PCDHAC1: variants seen among roughly 807,000 people sequenced by gnomAD.
PCDHAC1 encodes the protein protocadherin alpha-C1.
A neutral mutation model predicts 60.0 loss-of-function variants in PCDHAC1; 42 were observed. The ratio of observed to expected loss-of-function variants is 0.70; its 90% confidence interval spans 0.55 to 0.90. PCDHAC1 has a LOEUF of 0.90. Ranked by LOEUF, PCDHAC1 falls within the 40% of genes least tolerant of loss-of-function variation. The pLI is 0.00. For synonymous variants in PCDHAC1, 468 were observed against 499.3 expected (o/e 0.94, Z 0.84); for missense variants, 1,160 against 1,222.3 (o/e 0.95, Z 0.76).
At chr5:140,941,901 GA>G (rs782298792) in intron 1 of PCDHAC1, among the ~76,000 whole-genome samples, 1 of 152,130 alleles carries the variant, frequency 6.6e-6, no homozygotes, top group African/African-American at 2.4e-5. Context: ...AAGTAACATT[GA>G]AATGCTTTTA....
intron 3 of PCDHAC1, among the ~76,000 whole-genome samples, chr5:141,009,094 C>A (rs1350235475): frequency 6.6e-6 from 1 of 152,176 alleles, no homozygotes; most frequent in Non-Finnish European, 1.5e-5. Context: ...AAGAACCAAA[C>A]ATATGTTACT....
rs188500854 is a variant in PCDHAC1 at position 140,955,348 on chromosome 5, G to C, written c.2434-23601G>C. ...GTAGTTCCCATAATCCCCACATGTT[G>C]TGAGAGGGACCCAGTGGGAGGTAAT... On this transcript the variant is annotated intron_variant, in intron 1 of 3. Coordinates refer to ENST00000253807, the MANE Select transcript of PCDHAC1 (RefSeq NM_018898.5). Among the ~76,000 whole-genome samples the C allele has an allele frequency of 1.6e-4, 24 of 152,204 alleles. No individual in the cohort carries two copies. The East Asian group carries it at 2.7e-3, about 17-fold the overall frequency.
At chr5:140,937,705 G>T (rs892429555) in intron 1 of PCDHAC1, among the ~76,000 whole-genome samples, 2 of 151,928 alleles carry the variant, frequency 1.3e-5, no homozygotes, top group Admixed American at 6.6e-5. Context: ...GAGGTCAGGA[G>T]ATCAAGACCA....
At chr5:140,969,556 C>A in intron 1 of PCDHAC1, 1 of 1,210,690 alleles carries the variant, frequency 8.3e-7, no homozygotes, top group Non-Finnish European at 1.1e-6. Flanking sequence ...AAGCCTTGTC[C>A]ATAAAATTGT....
chr5:140,949,120 T>C (rs782586418), intron 1 of PCDHAC1, among the ~76,000 whole-genome samples: 3 of 151,756 alleles, frequency 2.0e-5, no homozygotes, highest in Non-Finnish European at 4.4e-5. Flanking sequence ...ATATTTTTGG[T>C]TTTCCTAGCT....
chr5:140,960,792 C>T (rs2095571018), intron 1 of PCDHAC1, among the ~76,000 whole-genome samples: 1 of 151,986 alleles, frequency 6.6e-6, no homozygotes, highest in South Asian at 2.1e-4. Context: ...AACAAGGTTT[C>T]TATTAAAATA....
chr5:141,010,063 G>C lies in PCDHAC1; in HGVS notation c.*126G>C, dbSNP rs1393265789. ...CTCTTAGAGACCTCAGAAATCTGCA[G>C]AAAGTTCCCTGTGTCTGTCTAGAAC... On this transcript the variant is annotated 3_prime_UTR_variant, in exon 4 of 4. Transcript: ENST00000253807. 31 of 1,602,790 alleles carry C rather than the reference G, an allele frequency of 1.9e-5. No individual in the cohort carries two copies. The highest frequency in any genetic ancestry group is 2.6e-5 in the Non-Finnish European group (31 of 1,174,498).
At chr5:140,967,138 G>A in intron 1 of PCDHAC1, 1 of 1,611,568 alleles carries the variant, frequency 6.2e-7, no homozygotes, top group Middle Eastern at 1.7e-4. Flanking sequence ...TGGAAGTGCT[G>A]GCGCACAACC....
chr5:140,927,614 A>G lies in PCDHAC1; in HGVS notation c.722A>G (p.Lys241Arg), dbSNP rs1554204810. ...PVFERSVYRT[K>R]VPETAPNGTV... is the part of the protein sequence containing the mutation. ...TTTGAGCGCTCCGTATACCGCACCA[A>G]GGTTCCAGAGACTGCACCCAATGGG... The change falls in exon 1 of 4, where the codon AAG becomes AGG. Residue 241 changes from lysine to arginine, a missense_variant. This residue lies in a region of PCDHAC1 where 1,113 missense variants were observed against 1,163.7 expected (regional missense o/e 0.96). Transcript: ENST00000253807. 10 of 1,614,204 alleles carry G rather than the reference A, an allele frequency of 6.2e-6. No individual in the cohort carries two copies. The highest frequency in any genetic ancestry group is 1.1e-5 in the South Asian group (1 of 91,086).
At chr5:140,958,343 T>C (rs904666839) in intron 1 of PCDHAC1, among the ~76,000 whole-genome samples, 2 of 152,144 alleles carry the variant, frequency 1.3e-5, no homozygotes, top group African/African-American at 4.8e-5. Flanking sequence ...TCACAGGAAG[T>C]TCACAGTCTG....
chr5:140,937,911 C>CAA lies in PCDHAC1; in HGVS notation c.2433+8601_2433+8602dup, dbSNP rs200797202. On this transcript the variant is annotated intron_variant, in intron 1 of 3. Transcript: ENST00000253807. Reference sequence around the variant, plus strand: ...TGGGCGACAGAGTGAGACTCCGTCTCAAAAAAAAAAAAAAAAGTTTAATTT... The same window carrying CAA: ...TGGGCGACAGAGTGAGACTCCGTCTCAAAAAAAAAAAAAAAAAAGTTTAATTT... Among the ~76,000 whole-genome samples, 8 of 117,946 alleles carry CAA rather than the reference C, an allele frequency of 6.8e-5. No individual in the cohort carries two copies. In the East Asian group the frequency reaches 1.1e-3, roughly 17 times the overall value. The allele number at this position is 117,946 out of a possible 152,430, so 77.4% of individuals were successfully genotyped here.
At chr5:140,986,460 G>A (rs1489873666) in intron 3 of PCDHAC1, among the ~76,000 whole-genome samples, 1 of 152,176 alleles carries the variant, frequency 6.6e-6, no homozygotes, top group Admixed American at 6.5e-5. Flanking sequence ...TTTAATGAAT[G>A]CCCTCTTGTG....
In PCDHAC1 at chr5:140,929,074, G is replaced by T; in HGVS notation, c.2182G>T (p.Gly728Ter). The T allele has an allele frequency of 1.2e-6, 2 of 1,614,182 alleles. No homozygotes were observed. Among genetic ancestry groups the T allele is most frequent in the South Asian group, 2.2e-5 (2 of 91,088 alleles). Reference sequence around the variant, plus strand: ...TCGCTCTACAGAGGATCTGAGGTATGGAAGTAAGATGGTTTCAAATCCTTG... The same window carrying T: ...TCGCTCTACAGAGGATCTGAGGTATTGAAGTAAGATGGTTTCAAATCCTTG... ...CCRSTEDLRY[G>*]SKMVSNPCMT... is the part of the protein sequence containing the mutation. Residue 728 changes from glycine (G) to a stop codon, truncating the protein, a stop_gained, in exon 1 of 4, where the codon GGA becomes TGA. Transcript: ENST00000253807. LOFTEE classifies it high-confidence loss of function.
At chr5:140,935,665 T>C (rs2090490152) in intron 1 of PCDHAC1, among the ~76,000 whole-genome samples, 1 of 152,182 alleles carries the variant, frequency 6.6e-6, no homozygotes, top group Non-Finnish European at 1.5e-5. Context: ...TCTTTTATAA[T>C]TATGTGAAAT....
chr5:140,945,947 ACCCTGAAAG>A (rs1554217229), intron 1 of PCDHAC1, among the ~76,000 whole-genome samples: 1 of 152,132 alleles, frequency 6.6e-6, no homozygotes, highest in Admixed American at 6.5e-5. Flanking sequence ...TTTTTATATG[ACCCTGAAAG>A]CACAGGCAAT....
intron 1 of PCDHAC1, among the ~76,000 whole-genome samples, chr5:140,941,077 G>C (rs2092726978): frequency 6.6e-6 from 1 of 152,068 alleles, no homozygotes; most frequent in South Asian, 2.1e-4. Context: ...CTGGAGAGTA[G>C]GTGGGTTTAG....
chr5:140,963,117 AAG>A (rs1292385306), intron 1 of PCDHAC1, among the ~76,000 whole-genome samples: 1 of 152,182 alleles, frequency 6.6e-6, no homozygotes, highest in African/African-American at 2.4e-5. Flanking sequence ...CTTATAATTA[AAG>A]AGATAATATT....
intron 1 of PCDHAC1, among the ~76,000 whole-genome samples, chr5:140,962,592 G>C (rs1318639328): frequency 1.3e-5 from 2 of 152,164 alleles, no homozygotes; most frequent in Non-Finnish European, 2.9e-5. Flanking sequence ...ATATTTGACT[G>C]ATATATTTCT....
At chr5:140,931,901 T>G (rs2087840006) in intron 1 of PCDHAC1, among the ~76,000 whole-genome samples, 1 of 151,938 alleles carries the variant, frequency 6.6e-6, no homozygotes, top group South Asian at 2.1e-4. Flanking sequence ...TCAAATCATT[T>G]GAAAAGCATG....
Sources: allele counts gnomAD v4.1 joint callset (sites outside exome capture counted in the v4.1 genomes callset), GRCh38; gene constraint gnomAD v4.1.1; regional missense constraint gnomAD v4.1.1; transcripts MANE v1.5; gene names NCBI Gene and HGNC (gene_info 2026-07-23, HGNC 2026-07-21).